The following PPP4R2 variants were observed in gnomAD, a reference collection of about 807,000 sequenced individuals.
The protein encoded by PPP4R2 is serine/threonine-protein phosphatase 4 regulatory subunit 2.
PPP4R2 carries 13 observed loss-of-function variants against 47.2 expected under a neutral mutation model. That is an observed-to-expected ratio of 0.28 (90% CI 0.18 to 0.44). PPP4R2 has a LOEUF of 0.44. PPP4R2 is among the 20% of genes least tolerant of loss of function. The pLI is 1.00. For synonymous variants in PPP4R2, 151 were observed against 163.3 expected, an observed-to-expected ratio of 0.92 and a Z score of 0.57; for missense variants, 421 against 491.2, an observed-to-expected ratio of 0.86 and a Z score of 1.35.
chr3:73,045,312 A>G (rs1319925682), intron 2 of PPP4R2, among the ~76,000 whole-genome samples: 1 of 152,046 alleles, frequency 6.6e-6, no homozygotes, highest in Non-Finnish European at 1.5e-5. Context: ...CTCGTATAAT[A>G]TTTTTATGTC....
chr3:72,998,247 T>A, intron 2 of PPP4R2, 89 bp downstream of exon 2: 1 of 795,416 alleles, frequency 1.3e-6, no homozygotes, highest in Non-Finnish European at 2.0e-6. Flanking sequence ...TTGGGATAAT[T>A]AAATAATTCA....
chr3:73,038,589 T>C (rs1702314125), intron 2 of PPP4R2, among the ~76,000 whole-genome samples: 1 of 152,024 alleles, frequency 6.6e-6, no homozygotes, highest in South Asian at 2.1e-4. Context: ...AGAGACAGGG[T>C]TTCACCATTC....
intron 2 of PPP4R2, among the ~76,000 whole-genome samples, chr3:73,012,104 CTG>C (rs1333414159): frequency 1.3e-5 from 2 of 152,180 alleles, no homozygotes; most frequent in East Asian, 3.8e-4. Context: ...GACATAAAAT[CTG>C]TGGATGCTCA....
chr3:73,004,980 TG>T (rs1701573469), intron 2 of PPP4R2, among the ~76,000 whole-genome samples: 1 of 149,874 alleles, frequency 6.7e-6, no homozygotes, highest in East Asian at 2.0e-4. Flanking sequence ...TGTGTGTGTG[TG>T]TGTGTGTGTT....
intron 2 of PPP4R2, among the ~76,000 whole-genome samples, chr3:73,014,451 A>G (rs1451243980): frequency 6.6e-6 from 1 of 151,938 alleles, no homozygotes; most frequent in Non-Finnish European, 1.5e-5. Flanking sequence ...ACACCCAGCT[A>G]ATTTATTAAT....
At chr3:73,034,008 G>A (rs553149933) in intron 2 of PPP4R2, among the ~76,000 whole-genome samples, 4 of 152,274 alleles carry the variant, frequency 2.6e-5, no homozygotes, top group African/African-American at 7.2e-5. Flanking sequence ...GCCATTTTAC[G>A]TTCCCATCAG....
chr3:73,062,210 C>G, intron 5 of PPP4R2: 1 of 1,587,936 alleles, frequency 6.3e-7, no homozygotes, highest in Non-Finnish European at 8.5e-7. Flanking sequence ...TAAGTCGGAA[C>G]CAATTTTCCA....
intron 5 of PPP4R2, chr3:73,063,189 T>G (rs984837935): frequency 9.6e-6 from 4 of 418,040 alleles, no homozygotes; most frequent in African/African-American, 8.5e-5. Flanking sequence ...AAGCTCCTGA[T>G]GTTATACCAG....
chr3:73,037,901 T>A (rs890136570), intron 2 of PPP4R2, among the ~76,000 whole-genome samples: 2 of 152,236 alleles, frequency 1.3e-5, no homozygotes, highest in Non-Finnish European at 2.9e-5. Context: ...TTTGTTTTAT[T>A]GTTTTAAGCA....
chr3:73,047,178 G>T lies in PPP4R2; in HGVS notation c.117-8G>T, dbSNP rs1454238916. On this transcript the variant is annotated splice_polypyrimidine_tract_variant and splice_region_variant and intron_variant, in intron 2 of 8. Transcript: ENST00000356692. ...GGTATTATATATTTTTTAATTTTTT[G>T]CTTATAGGATTCAGTGGTCCCAATT... 1 of 1,497,440 alleles carries T rather than the reference G, an allele frequency of 6.7e-7. No individual in the cohort carries two copies. Among genetic ancestry groups the T allele is most frequent in the Non-Finnish European group, 9.0e-7 (1 of 1,112,678 alleles). The allele number at this position is 1,497,440 out of a possible 1,614,324, so 92.8% of individuals were successfully genotyped here.
chr3:73,033,948 C>T lies in PPP4R2; in HGVS notation c.117-13238C>T, dbSNP rs558624927. Among the ~76,000 whole-genome samples the T allele has an allele frequency of 1.3e-4, 20 of 152,276 alleles. No individual in the cohort carries two copies. The East Asian group carries it at 1.4e-3, about 10-fold the overall frequency. On this transcript the variant is annotated intron_variant, in intron 2 of 8. Transcript: ENST00000356692. The stretch of plus-strand genomic sequence containing the variant: ...CTAGAAGTAGAATTGCTGGATCATA[C>T]GGTAGTTCTGTGTTTAACTTTTCGA...
intron 5 of PPP4R2, 31 bp from the exon 6 acceptor site, chr3:73,063,642 T>G: frequency 7.4e-7 from 1 of 1,348,956 alleles, no homozygotes; most frequent in Non-Finnish European, 1.1e-6. Flanking sequence ...AAAAATTAAG[T>G]CATCCACAAG....
chr3:73,049,104 AC>A (rs1282225919), intron 3 of PPP4R2, among the ~76,000 whole-genome samples: 3 of 152,212 alleles, frequency 2.0e-5, no homozygotes, highest in South Asian at 2.1e-4. Flanking sequence ...AGGAAAAAAA[AC>A]ATTTTAAAGG....
At chr3:72,999,300 C>T (rs927804118) in intron 2 of PPP4R2, among the ~76,000 whole-genome samples, 5 of 152,154 alleles carry the variant, frequency 3.3e-5, no homozygotes, top group African/African-American at 1.2e-4. Flanking sequence ...TATAGAACAT[C>T]TTGATTTAGA....
intron 2 of PPP4R2, among the ~76,000 whole-genome samples, chr3:73,046,190 A>G (rs1271761310): frequency 1.3e-5 from 2 of 152,170 alleles, no homozygotes; most frequent in Non-Finnish European, 2.9e-5. Flanking sequence ...CTTTTATACC[A>G]TCAGTGCACA....
At chr3:73,051,046 C>T (rs1702602296) in intron 3 of PPP4R2, among the ~76,000 whole-genome samples, 1 of 152,130 alleles carries the variant, frequency 6.6e-6, no homozygotes, top group African/African-American at 2.4e-5. Context: ...TCCCGAGTAG[C>T]CGCGTTTACT....
At chr3:73,029,260 CAG>C (rs1407588615) in intron 2 of PPP4R2, among the ~76,000 whole-genome samples, 1 of 152,166 alleles carries the variant, frequency 6.6e-6, no homozygotes, top group Non-Finnish European at 1.5e-5. Context: ...GAGTTTTGAG[CAG>C]AGAAGTGACA....
At chr3:73,027,995 G>C (rs149963221) in intron 2 of PPP4R2, 1 of 144,608 alleles carries the variant, frequency 6.9e-6, no homozygotes, top group Admixed American at 7.2e-5. Context: ...AGTGAGTCAC[G>C]CCTCTAATTC....
At chr3:73,047,938 G>A (rs1250475225) in intron 3 of PPP4R2, among the ~76,000 whole-genome samples, 2 of 152,124 alleles carry the variant, frequency 1.3e-5, no homozygotes, top group African/African-American at 2.4e-5. Flanking sequence ...ATACAGTGGC[G>A]TGATCTTGGC....
Sources: gnomAD v4.1 joint callset for allele counts (sites outside exome capture counted in the v4.1 genomes callset) on GRCh38, gnomAD v4.1.1 for gene constraint, MANE v1.5 for transcripts, NCBI Gene and HGNC (gene_info 2026-07-23, HGNC 2026-07-21) for gene names.